The following ARB2A variants were observed in gnomAD, a reference collection of about 807,000 sequenced individuals.
ARB2A encodes ARB2 cotranscriptional regulator A.
the ARB2A span, among the ~76,000 whole-genome samples, chr5:93,754,851 T>C: frequency 1.3e-5 from 2 of 152,222 alleles, no homozygotes; most frequent in Admixed American, 6.5e-5. Flanking sequence ...AATTTTCCTT[T>C]TAATTTCTTC....
At chr5:93,717,325 C>T in the ARB2A span, among the ~76,000 whole-genome samples, 1 of 152,048 alleles carries the variant, frequency 6.6e-6, no homozygotes, top group Non-Finnish European at 1.5e-5. Context: ...ACCAATAGGT[C>T]AGCACCAAGC....
the ARB2A span, among the ~76,000 whole-genome samples, chr5:94,048,051 C>CTTTTTTTTTTTTTTT: frequency 8.3e-5 from 8 of 96,086 alleles, no homozygotes; most frequent in African/African-American, 3.2e-4. Context: ...AATCGGTAAG[C>CTTTTTTTTTTTTTTT]TTTTTTTTTT....
the ARB2A span, among the ~76,000 whole-genome samples, chr5:93,667,490 T>C: frequency 6.6e-6 from 1 of 152,090 alleles, no homozygotes; most frequent in Non-Finnish European, 1.5e-5. Flanking sequence ...GAGTCTTGCT[T>C]TGTTGCCTAG....
the ARB2A span, among the ~76,000 whole-genome samples, chr5:93,864,604 T>C: frequency 1.3e-5 from 2 of 152,082 alleles, no homozygotes; most frequent in African/African-American, 4.8e-5. Context: ...AAAATTCTTA[T>C]AGAAACAATT....
At chr5:94,044,051 A>G in the ARB2A span, among the ~76,000 whole-genome samples, 2 of 152,210 alleles carry the variant, frequency 1.3e-5, no homozygotes, top group African/African-American at 4.8e-5. Context: ...AATTTTGGCT[A>G]ACCCTGCTTA....
the ARB2A span, among the ~76,000 whole-genome samples, chr5:94,063,950 A>G: frequency 6.6e-6 from 1 of 152,216 alleles, no homozygotes; most frequent in African/African-American, 2.4e-5. Flanking sequence ...CATTAAAAAA[A>G]CAAGGACACT....
At chr5:93,655,886 G>T in the ARB2A span, among the ~76,000 whole-genome samples, 1 of 152,130 alleles carries the variant, frequency 6.6e-6, no homozygotes, top group Non-Finnish European at 1.5e-5. Context: ...CCATTATCCT[G>T]TTAAATGTTT....
At chr5:93,879,506 AGAG>A in the ARB2A span, among the ~76,000 whole-genome samples, 1 of 17,682 alleles carries the variant, frequency 5.7e-5, no homozygotes, top group Non-Finnish European at 2.9e-4. Context: ...GGAGTCTAAA[AGAG>A]AGAAAATAAT....
the ARB2A span, among the ~76,000 whole-genome samples, chr5:93,880,795 C>T: frequency 2.0e-5 from 3 of 151,634 alleles, no homozygotes; most frequent in Non-Finnish European, 4.4e-5. Context: ...GATCCCATAC[C>T]GTTAGTACTA....
the ARB2A span, among the ~76,000 whole-genome samples, chr5:93,765,999 A>G: frequency 7.9e-5 from 12 of 152,306 alleles, no homozygotes; most frequent in African/African-American, 2.9e-4. Flanking sequence ...AGAAAGCTGA[A>G]ATTGGATCCA....
chr5:93,751,330 C>T, the ARB2A span, among the ~76,000 whole-genome samples: 3 of 152,052 alleles, frequency 2.0e-5, no homozygotes, highest in African/African-American at 2.4e-5. Flanking sequence ...TGAATAGTTA[C>T]GGTCAGATAT....
At chr5:93,824,679 A>T in the ARB2A span, among the ~76,000 whole-genome samples, 4 of 151,988 alleles carry the variant, frequency 2.6e-5, no homozygotes, top group Admixed American at 2.6e-4. Flanking sequence ...AGAAAACTAC[A>T]AGTCAGAAGG....
the ARB2A span, among the ~76,000 whole-genome samples, chr5:93,634,900 G>T: frequency 1.3e-5 from 2 of 151,850 alleles, no homozygotes; most frequent in Non-Finnish European, 2.9e-5. Context: ...TCAGCCTCCC[G>T]AGTAGCTGGG....
the ARB2A span, among the ~76,000 whole-genome samples, chr5:93,625,109 T>C: frequency 6.6e-6 from 1 of 152,232 alleles, no homozygotes; most frequent in Non-Finnish European, 1.5e-5. Context: ...AAATTCATGA[T>C]GATTCCATGC....
the ARB2A span, among the ~76,000 whole-genome samples, chr5:94,007,707 G>A: frequency 7.2e-5 from 11 of 151,838 alleles, no homozygotes; most frequent in African/African-American, 2.7e-4. Context: ...CCTGGGAGGC[G>A]GAGGTTGTAG....
At chr5:93,878,270 T>C in the ARB2A span, among the ~76,000 whole-genome samples, 13 of 152,112 alleles carry the variant, frequency 8.5e-5, no homozygotes, top group African/African-American at 3.1e-4. Flanking sequence ...TACCACCTTA[T>C]TTAAAATTTA....
the ARB2A span, among the ~76,000 whole-genome samples, chr5:94,072,358 TCACA>T: frequency 6.7e-6 from 1 of 149,496 alleles, no homozygotes; most frequent in Non-Finnish European, 1.5e-5. Context: ...CCAAACACAC[TCACA>T]CACACACACA....
At chr5:93,639,654 T>A in the ARB2A span, among the ~76,000 whole-genome samples, 1 of 152,118 alleles carries the variant, frequency 6.6e-6, no homozygotes. Flanking sequence ...TATGAGAACA[T>A]GTAAGATGGG....
chr5:94,090,674 C>T, the ARB2A span, among the ~76,000 whole-genome samples: 1 of 152,110 alleles, frequency 6.6e-6, no homozygotes, highest in Non-Finnish European at 1.5e-5. Context: ...TCATAAATAA[C>T]TCTTATTATT....
Sources: gnomAD v4.1 joint callset for allele counts (sites outside exome capture counted in the v4.1 genomes callset) on GRCh38, gnomAD v4.1.1 for gene constraint, MANE v1.5 for transcripts, NCBI Gene and HGNC (gene_info 2026-07-23, HGNC 2026-07-21) for gene names.